PCF11: variants seen among roughly 807,000 people sequenced by gnomAD.
The protein encoded by PCF11 is pre-mRNA cleavage complex 2 protein Pcf11.
PCF11 carries 19 observed loss-of-function variants against 166.1 expected under a neutral mutation model. That is an observed-to-expected ratio of 0.11 (90% CI 0.08 to 0.17). The LOEUF is 0.17. PCF11 is among the 10% of genes least tolerant of loss of function. PCF11 has a pLI of 1.00. For synonymous variants in PCF11, 663 were observed against 644.1 expected (o/e 1.03, Z -0.44); for missense variants, 1,565 against 1,855.5 (o/e 0.84, Z 2.88).
exon 1 of PCF11, chr11:83,157,480 C>T: frequency 6.2e-7 from 1 of 1,612,930 alleles, no homozygotes; most frequent in Non-Finnish European, 8.5e-7. Context: ...GCTGCGGGGG[C>T]CCGGGAGGAC....
rs777084617 is a variant in PCF11, at chr11:83,185,809, CTTT to C, written c.*916_*918del. 8.9e-5 allele frequency: 13 copies of C among 146,608 alleles called. No individual in the cohort carries two copies. Among genetic ancestry groups the C allele is most frequent in the South Asian group, 2.1e-4 (1 of 4,826 alleles). The allele number at this position is 146,608 out of a possible 1,614,324, so 9.1% of individuals were successfully genotyped here. A position where few individuals can be genotyped will look rare whatever the true frequency, so the allele number is the denominator to read the frequency against. On this transcript the variant is annotated 3_prime_UTR_variant, in exon 16 of 16. Coordinates refer to ENST00000298281, the Ensembl canonical transcript of PCF11. ...TGATGAAGAAACTTTGTTTGTACTTCTTTATTTCTTGAAAAGCTTTAGAATGTG... is the reference window on the plus strand; with the variant it reads ...TGATGAAGAAACTTTGTTTGTACTTCATTTCTTGAAAAGCTTTAGAATGTG...
At chr11:83,157,823 A>G (rs1860054003) in intron 1 of PCF11, 192 bp downstream of exon 1, 1 of 604,262 alleles carries the variant, frequency 1.7e-6, no homozygotes, top group Admixed American at 3.0e-5. Context: ...GGGAGTGGGG[A>G]GGATAAAGGG....
intron 15 of PCF11, 30 bp downstream of exon 15, chr11:83,183,103 C>A: frequency 7.8e-7 from 1 of 1,279,110 alleles, no homozygotes; most frequent in Non-Finnish European, 1.1e-6. Flanking sequence ...TGTATTTGTT[C>A]TCATTTGCAT....
exon 8 of PCF11, chr11:83,169,910 A>G (rs1311608633): frequency 6.2e-7 from 1 of 1,610,642 alleles, no homozygotes; most frequent in South Asian, 1.1e-5. Flanking sequence ...TATTTTGATG[A>G]AAAAAATCTT....
chr11:83,182,894 A>C (rs1187866892), intron 14 of PCF11, 144 bp from the exon 15 acceptor site: 3 of 640,576 alleles, frequency 4.7e-6, no homozygotes, highest in Non-Finnish European at 8.4e-6. Flanking sequence ...ATAAGGATGA[A>C]AATTTGGTTT....
intron 15 of PCF11, among the ~76,000 whole-genome samples, chr11:83,183,284 A>G (rs1246182715): frequency 6.6e-6 from 1 of 152,198 alleles, no homozygotes; most frequent in Non-Finnish European, 1.5e-5. Context: ...GTGATAACGC[A>G]AACAATTAAA....
chr11:83,177,770 G>A, exon 11 of PCF11: 1 of 1,543,414 alleles, frequency 6.5e-7, no homozygotes, highest in South Asian at 1.2e-5. Flanking sequence ...TCAAAATGAA[G>A]ATCAAGATGT....
chr11:83,181,157 A>G (rs1861071037), exon 12 of PCF11: 3 of 1,611,698 alleles, frequency 1.9e-6, no homozygotes, highest in Admixed American at 3.3e-5. Context: ...GTTAGCCGAA[A>G]AGTCACTCAT....
Position 83,184,468 on chromosome 11 carries a change from C to G in PCF11, c.4453-211C>G, listed in dbSNP as rs1213803569. ...TGTCCTATAACTTAGCTGTTAACTG[C>G]TTAACTCACTGCTGAGTACATATTG... On this transcript the variant is annotated intron_variant, in intron 15 of 15. Coordinates refer to ENST00000298281, the Ensembl canonical transcript of PCF11. 3 of 507,582 alleles carry G rather than the reference C, an allele frequency of 5.9e-6. No homozygotes were observed. In the East Asian group the frequency reaches 1.1e-4, roughly 19 times the overall value. 31.4% of individuals were successfully genotyped at this position (507,582 alleles called of 1,614,324 possible).
exon 8 of PCF11, chr11:83,168,919 G>C (rs567053816): frequency 6.2e-7 from 1 of 1,613,640 alleles, no homozygotes; most frequent in East Asian, 2.2e-5. Flanking sequence ...ATCTCCAGGT[G>C]GTTTGAGATT....
At chr11:83,171,646 TC>T (rs1485676734) in intron 8 of PCF11, among the ~76,000 whole-genome samples, 171 bp from the exon 9 acceptor site, 3 of 152,194 alleles carry the variant, frequency 2.0e-5, no homozygotes, top group South Asian at 4.1e-4. Context: ...GTTTTATTGT[TC>T]CTGTTTGTAG....
At chr11:83,181,400 A>AT (rs1190809041) in intron 12 of PCF11, among the ~76,000 whole-genome samples, 5,286 of 148,342 alleles carry the variant, frequency 0.036, 315 homozygotes, top group African/African-American at 0.12. Context: ...TTTGAAGAGT[A>AT]TTTTTTTTTT....
chr11:83,172,732 T>G (rs1175183322), intron 9 of PCF11, among the ~76,000 whole-genome samples: 1 of 152,182 alleles, frequency 6.6e-6, no homozygotes, highest in Non-Finnish European at 1.5e-5. Flanking sequence ...ATTTTAGTTT[T>G]AATATGTGGT....
At chr11:83,168,692 C>T (rs1278362675) in exon 8 of PCF11, 3 of 1,613,782 alleles carry the variant, frequency 1.9e-6, no homozygotes, top group Non-Finnish European at 2.5e-6. Flanking sequence ...CCTCCCACAC[C>T]AGCTTCTCTT....
In PCF11 at chr11:83,160,260, T is replaced by C. The variant is rs191592742; in HGVS notation, c.193-1067T>C. 2.8e-3 allele frequency among the ~76,000 whole-genome samples: 421 copies of C among 150,844 alleles called. 3 individuals carry two copies. The highest frequency in any genetic ancestry group is 0.022 in the South Asian group (107 of 4,772). On this transcript the variant is annotated intron_variant, in intron 1 of 15. Transcript: ENST00000298281. ...TACCCTAGCTTCAGGCAGCTATGGG[T>C]AAGTGTTACTTAGGGTTAAGATTCC...
chr11:83,167,515 G>C lies in PCF11; in HGVS notation c.2092+10G>C, dbSNP rs1258296844. ...TTTCAGTATCAAGAAGGTAAACATA[G>C]ATGCAATGTACGGGATAGTCCTACA... On this transcript the variant is annotated intron_variant, in intron 7 of 15. Transcript: ENST00000298281. The surrounding 1 kb of genome is among the most constrained non-coding windows in gnomAD (Gnocchi z 4.2). 1 of 1,610,532 alleles carries C rather than the reference G, an allele frequency of 6.2e-7. No individual in the cohort carries two copies.
chr11:83,180,966 G>A (rs1365283730), intron 11 of PCF11, 42 bp from the exon 12 acceptor site: 5 of 1,160,674 alleles, frequency 4.3e-6, no homozygotes, highest in East Asian at 5.1e-5. Context: ...AGGCCATTAA[G>A]CCATATTATC....
intron 8 of PCF11, among the ~76,000 whole-genome samples, chr11:83,170,292 A>G (rs1196640946): frequency 6.6e-6 from 1 of 152,022 alleles, no homozygotes; most frequent in Admixed American, 6.6e-5. Context: ...TTGAGATATT[A>G]TACAATTGTG....
chr11:83,186,112 G>A (rs1013692251), exon 16 of PCF11: 3 of 152,126 alleles, frequency 2.0e-5, no homozygotes, highest in Non-Finnish European at 4.4e-5. Flanking sequence ...GAATTTGAAC[G>A]TGGCTTTGTT....
Sources: gnomAD v4.1 joint callset for allele counts (sites outside exome capture counted in the v4.1 genomes callset) on GRCh38, gnomAD v4.1.1 for gene constraint, Gnocchi (gnomAD v3.1) non-coding constraint, MANE v1.5 for transcripts, NCBI Gene and HGNC (gene_info 2026-07-23, HGNC 2026-07-21) for gene names.